The following TPX2 variants were observed in gnomAD, a reference collection of about 807,000 sequenced individuals.
The protein encoded by TPX2 is TPX2 microtubule nucleation factor, also known as targeting protein for Xklp2.
In TPX2, 21 loss-of-function variants were observed where a neutral mutation model predicts 93.6. That is an observed-to-expected ratio of 0.22 (90% CI 0.16 to 0.32). TPX2 has a LOEUF of 0.32. Among genes scored for constraint, TPX2 ranks in the 10% least tolerant of loss-of-function variants. The probability of loss-of-function intolerance (pLI) is 1.00; values close to 1 mark genes in which losing one functional copy is unlikely to be tolerated. For synonymous variants in TPX2, 281 were observed against 298.3 expected (o/e 0.94, Z 0.60); for missense variants, 776 against 871.1 (o/e 0.89, Z 1.37).
intron 1 of TPX2, among the ~76,000 whole-genome samples, chr20:31,739,891 G>A (rs1481464862): frequency 6.6e-6 from 1 of 152,162 alleles, no homozygotes; most frequent in African/African-American, 2.4e-5. Flanking sequence ...TCACAAATAA[G>A]TACATTTCAA....
At chr20:31,783,602 A>G (rs1456089466) in intron 11 of TPX2, 103 bp from the exon 12 acceptor site, 8 of 1,129,744 alleles carry the variant, frequency 7.1e-6, no homozygotes. Context: ...CAATGGGAGC[A>G]TAATCTTAAT....
chr20:31,798,220 T>C (rs2062149755), intron 16 of TPX2, 145 bp from the exon 17 acceptor site: 2 of 966,484 alleles, frequency 2.1e-6, no homozygotes, highest in Non-Finnish European at 3.1e-6. Flanking sequence ...TGTATTTAGT[T>C]GGCTCTACCT....
rs755823366 is a variant in TPX2, at chr20:31,783,899, C to T, written c.1391C>T (p.Thr464Ile). The T allele has an allele frequency of 4.3e-6, 7 of 1,612,872 alleles. No homozygotes were observed. The South Asian group carries it at 7.7e-5, about 18-fold the overall frequency. ...GAATTTCATTCCAGACCTTGCCCTA[C>T]TAAGATTTTGGAAGATGTTGTGGTA... Reference protein sequence around the residue: ...HFEFHSRPCPTKILEDVVGVP... With the variant: ...HFEFHSRPCPIKILEDVVGVP... The change falls in exon 12 of 18, where the codon ACT becomes ATT. Residue 464 changes from threonine to isoleucine, a missense_variant. Thr to Ile is a moderately conservative substitution (Grantham distance 89). Coordinates refer to ENST00000300403, the MANE Select transcript of TPX2 (RefSeq NM_012112.5).
At chr20:31,790,293 GT>G (rs1215665155) in intron 12 of TPX2, among the ~76,000 whole-genome samples, 1 of 152,158 alleles carries the variant, frequency 6.6e-6, no homozygotes, top group African/African-American at 2.4e-5. Flanking sequence ...ATTCTCAGTG[GT>G]CACCTTGAGA....
chr20:31,750,790 A>G (rs2061815066), intron 2 of TPX2, among the ~76,000 whole-genome samples: 2 of 152,314 alleles, frequency 1.3e-5, no homozygotes, highest in South Asian at 4.1e-4. Flanking sequence ...AAATCAAGAG[A>G]TTAGACAATC....
Position 31,777,586 on chromosome 20 carries a change from A to T in TPX2, c.830A>T (p.Glu277Val), listed in dbSNP as rs756335100. The change falls in exon 9 of 18, where the codon GAA becomes GTA. Residue 277 changes from glutamate (E) to valine (V), a missense_variant. This residue lies in a region of TPX2 where 279 missense variants were observed against 261.6 expected (regional missense o/e 1.07). Coordinates refer to ENST00000300403, the MANE Select transcript of TPX2 (RefSeq NM_012112.5). ...RIKQHPKNQE[E>V]YKEVNFTSEL... ...AAACAACATCCTAAGAACCAGGAGGAATATAAGGAAGTGAACTTTACATCT... is the reference window on the plus strand; with the variant it reads ...AAACAACATCCTAAGAACCAGGAGGTATATAAGGAAGTGAACTTTACATCT... 2 of 1,614,186 alleles carry T rather than the reference A, an allele frequency of 1.2e-6. No homozygotes were observed. Among genetic ancestry groups the T allele is most frequent in the South Asian group, 2.2e-5 (2 of 91,084 alleles).
intron 7 of TPX2, among the ~76,000 whole-genome samples, chr20:31,773,293 A>T (rs1047036258): frequency 1.7e-4 from 26 of 152,104 alleles, no homozygotes; most frequent in African/African-American, 6.0e-4. Context: ...CTGGGATTAC[A>T]GGCACCTGCC....
intron 2 of TPX2, among the ~76,000 whole-genome samples, chr20:31,748,807 A>G (rs1057424479): frequency 2.0e-5 from 3 of 152,126 alleles, no homozygotes; most frequent in African/African-American, 4.8e-5. Context: ...ACATCTATCT[A>G]TTGTCTATAT....
chr20:31,775,894 G>A lies in TPX2; in HGVS notation c.636G>A (p.Glu212=). The change falls in exon 8 of 18, where the codon GAG becomes GAA. Residue 212 remains glutamate, a synonymous_variant. Coordinates refer to ENST00000300403, the MANE Select transcript of TPX2 (RefSeq NM_012112.5). ...AKQKFLKSTE[E]QELEKSMKMQ... ...AGAAGTTTCTAAAAAGTACTGAGGAGCAAGAGCTGGAGAAGAGTATGAAAA... is the reference window on the plus strand; with the variant it reads ...AGAAGTTTCTAAAAAGTACTGAGGAACAAGAGCTGGAGAAGAGTATGAAAA... 6.3e-7 allele frequency: 1 copy of A among 1,599,804 alleles called. No individual in the cohort carries two copies. The highest frequency in any genetic ancestry group is 8.5e-7 in the Non-Finnish European group (1 of 1,172,522).
At chr20:31,781,455 C>T (rs1455922292) in intron 10 of TPX2, among the ~76,000 whole-genome samples, 6 of 151,314 alleles carry the variant, frequency 4.0e-5, no homozygotes, top group East Asian at 2.0e-4. Context: ...TTAATAGAGA[C>T]GGGATTTCAC....
chr20:31,762,924 A>T (rs2122997859), intron 4 of TPX2, among the ~76,000 whole-genome samples: 1 of 152,264 alleles, frequency 6.6e-6, no homozygotes, highest in Admixed American at 6.5e-5. Flanking sequence ...ATTTATTGAA[A>T]AGACTGTCCC....
chr20:31,768,079 A>G (rs2061940000), intron 5 of TPX2, among the ~76,000 whole-genome samples: 1 of 149,070 alleles, frequency 6.7e-6, no homozygotes, highest in African/African-American at 2.5e-5. Context: ...CTACAGGTGC[A>G]GGGCACCAGG....
Position 31,748,900 on chromosome 20 carries a change from T to C in TPX2, c.-71+6253T>C, listed in dbSNP as rs2061800731. Among the ~76,000 whole-genome samples, 6 of 152,182 alleles carry C rather than the reference T, an allele frequency of 3.9e-5. No individual in the cohort carries two copies. In the South Asian group the frequency reaches 1.2e-3, roughly 31 times the overall value. ...TACAGTAGACAGTATTTGGAAGTTA[T>C]TATCTCTTGCTCCATGACATTTGTT... is the stretch of plus-strand genomic sequence containing the variant. On this transcript the variant is annotated intron_variant, in intron 2 of 17. Coordinates refer to ENST00000300403, the MANE Select transcript of TPX2 (RefSeq NM_012112.5).
intron 10 of TPX2, 124 bp downstream of exon 10, chr20:31,779,108 T>A: frequency 9.3e-7 from 1 of 1,072,270 alleles, no homozygotes; most frequent in Non-Finnish European, 1.3e-6. Context: ...GGCGTGTGAC[T>A]ATGCAGACAA....
intron 10 of TPX2, among the ~76,000 whole-genome samples, chr20:31,780,054 A>AT (rs1173487185): frequency 6.6e-6 from 1 of 151,844 alleles, no homozygotes; most frequent in Non-Finnish European, 1.5e-5. Context: ...TTGCATAGGC[A>AT]TTTTTTTTGA....
chr20:31,777,663 T>G (rs2062009689), intron 9 of TPX2, 25 bp downstream of exon 9: 2 of 1,605,276 alleles, frequency 1.2e-6, no homozygotes, highest in Non-Finnish European at 1.7e-6. Context: ...TAAATGAACA[T>G]TTCTGTTACT....
At chr20:31,761,650 G>C (rs994406969) in intron 4 of TPX2, among the ~76,000 whole-genome samples, 1 of 152,104 alleles carries the variant, frequency 6.6e-6, no homozygotes, top group South Asian at 2.1e-4. Flanking sequence ...CTGTTCATCT[G>C]TTGATGGATA....
At chr20:31,788,417 CAAAAAAAAAA>C (rs11356550) in intron 12 of TPX2, among the ~76,000 whole-genome samples, 6 of 68,682 alleles carry the variant, frequency 8.7e-5, no homozygotes, top group Admixed American at 4.9e-4. Flanking sequence ...GACTCTGTCT[CAAAAAAAAAA>C]AAAAAAAAAA....
intron 13 of TPX2, among the ~76,000 whole-genome samples, chr20:31,793,275 G>C (rs963792994): frequency 3.9e-5 from 6 of 152,178 alleles, no homozygotes; most frequent in Non-Finnish European, 8.8e-5. Flanking sequence ...ATCGTTTATG[G>C]AATTGTAATA....
Sources: allele counts gnomAD v4.1 joint callset (sites outside exome capture counted in the v4.1 genomes callset), GRCh38; gene constraint gnomAD v4.1.1; regional missense constraint gnomAD v4.1.1; transcripts MANE v1.5; gene names NCBI Gene and HGNC (gene_info 2026-07-23, HGNC 2026-07-21).